The following SIL1 variants were observed in gnomAD, a reference collection of about 807,000 sequenced individuals.
SIL1 encodes SIL1 nucleotide exchange factor.
In SIL1, 40 loss-of-function variants were observed where a neutral mutation model predicts 49.1. That is an observed-to-expected ratio of 0.81 (90% CI 0.63 to 1.06). The LOEUF (loss-of-function observed/expected upper bound fraction) is 1.06, where lower values mean the gene tolerates loss of function less well. SIL1 is among the 50% of genes least tolerant of loss of function. The pLI is 0.00. For synonymous variants in SIL1, 253 were observed against 250.8 expected, an observed-to-expected ratio of 1.01 and a Z score of -0.08; for missense variants, 500 against 572.6, an observed-to-expected ratio of 0.87 and a Z score of 1.29.
chr5:139,015,849 C>T (rs560856982), intron 7 of SIL1, among the ~76,000 whole-genome samples: 27 of 152,282 alleles, frequency 1.8e-4, no homozygotes, highest in African/African-American at 5.8e-4. Context: ...CCATTCATAG[C>T]GCATTTCCTA....
At chr5:139,075,830 C>G (rs1449888670) in intron 3 of SIL1, among the ~76,000 whole-genome samples, 1 of 152,214 alleles carries the variant, frequency 6.6e-6, no homozygotes, top group Non-Finnish European at 1.5e-5. Flanking sequence ...AATGACCTTT[C>G]ACAAGGTCTA....
At chr5:139,177,394 C>T (rs1751907391) in intron 1 of SIL1, among the ~76,000 whole-genome samples, 1 of 151,850 alleles carries the variant, frequency 6.6e-6, no homozygotes, top group East Asian at 1.9e-4. Flanking sequence ...CACACACCAC[C>T]GTGCCTGGCT....
In SIL1 at chr5:138,947,083, TAGCGGC is replaced by T. The variant is rs776385756; in HGVS notation, c.*28_*33del. On this transcript the variant is annotated 3_prime_UTR_variant, in exon 10 of 10. Coordinates refer to ENST00000394817, the MANE Select transcript of SIL1 (RefSeq NM_022464.5). This position sits in a 1 kb window ranked among gnomAD's most constrained non-coding sequence, Gnocchi z 4.1. The stretch of plus-strand genomic sequence containing the variant: ...CCACGCTGGCACCCCTCAGCCTCAC[TAGCGGC>T]ATCCCAGTCCAGTCCTGGTGTGGGG... 1 of 1,557,044 alleles carries T rather than the reference TAGCGGC, an allele frequency of 6.4e-7. No homozygotes were observed. Among genetic ancestry groups the T allele is most frequent in the Non-Finnish European group, 8.8e-7 (1 of 1,134,280 alleles).
intron 1 of SIL1, chr5:139,128,198 G>A (rs1158975040): frequency 1.4e-5 from 5 of 367,672 alleles, no homozygotes; most frequent in Admixed American, 3.6e-5. Flanking sequence ...TGATCTGCAT[G>A]TGAACAAACA....
At chr5:139,181,370 A>G (rs1166287966) in intron 1 of SIL1, among the ~76,000 whole-genome samples, 1 of 152,182 alleles carries the variant, frequency 6.6e-6, no homozygotes, top group Non-Finnish European at 1.5e-5. Context: ...TGGGGGAAAT[A>G]CTACCCAGCA....
chr5:139,036,294 C>T (rs970207656), intron 5 of SIL1, among the ~76,000 whole-genome samples: 1 of 152,074 alleles, frequency 6.6e-6, no homozygotes, highest in Non-Finnish European at 1.5e-5. Context: ...TAGGTTAAGT[C>T]TTTAATCCAT....
At chr5:139,046,468 C>G (rs1005340683) in intron 4 of SIL1, among the ~76,000 whole-genome samples, 5 of 152,218 alleles carry the variant, frequency 3.3e-5, no homozygotes, top group African/African-American at 1.2e-4. Flanking sequence ...CCTTCCTTCT[C>G]TCTTCTCCTA....
chr5:139,120,534 G>C (rs960089403), intron 3 of SIL1, among the ~76,000 whole-genome samples: 2 of 152,180 alleles, frequency 1.3e-5, no homozygotes, highest in African/African-American at 4.8e-5. Context: ...CCAGGCTCAT[G>C]AAAGGGTTAG....
intron 7 of SIL1, among the ~76,000 whole-genome samples, chr5:138,989,223 G>C (rs1270770021): frequency 6.6e-6 from 1 of 152,150 alleles, no homozygotes; most frequent in Non-Finnish European, 1.5e-5. Context: ...CTACAGAGAA[G>C]TCAGACCATG....
At chr5:139,075,907 C>T (rs1161033888) in intron 3 of SIL1, among the ~76,000 whole-genome samples, 1 of 152,186 alleles carries the variant, frequency 6.6e-6, no homozygotes, top group Non-Finnish European at 1.5e-5. Context: ...GAAAGAGGCA[C>T]AGTAGGGCAT....
intron 7 of SIL1, among the ~76,000 whole-genome samples, chr5:138,974,508 C>A (rs780309977): frequency 6.6e-6 from 1 of 152,206 alleles, no homozygotes; most frequent in Non-Finnish European, 1.5e-5. Context: ...GGAGAATAAT[C>A]CACTCAGCTG....
At chr5:139,020,915 TA>T (rs1227717844) in intron 7 of SIL1, among the ~76,000 whole-genome samples, 1 of 152,178 alleles carries the variant, frequency 6.6e-6, no homozygotes, top group African/African-American at 2.4e-5. Flanking sequence ...AAGCTTTGAA[TA>T]AAACAGAGAA....
intron 1 of SIL1, among the ~76,000 whole-genome samples, chr5:139,156,592 C>A (rs1293948219): frequency 6.6e-6 from 1 of 152,120 alleles, no homozygotes; most frequent in Non-Finnish European, 1.5e-5. Flanking sequence ...AGCATAGGCC[C>A]TAAATCACAA....
At position 138,993,489 on chromosome 5, in the gene SIL1, A is replaced by G. The variant is rs527921689; in HGVS notation, c.767+27682T>C. Reference sequence around the variant, plus strand: ...ACGCATCCTTGTGTAATTACCTCCCATTGGGTGTGGGAATATGACATGCTT... The same window carrying G: ...ACGCATCCTTGTGTAATTACCTCCCGTTGGGTGTGGGAATATGACATGCTT... On this transcript the variant is annotated intron_variant, in intron 7 of 9. Transcript: ENST00000394817. Among the ~76,000 whole-genome samples the G allele has an allele frequency of 1.1e-4, 16 of 152,334 alleles. 1 individual carries two copies. The South Asian group carries it at 3.3e-3, about 32-fold the overall frequency.
rs536082053 is a variant in SIL1 at position 138,994,299 on chromosome 5, T to C, written c.767+26872A>G. On this transcript the variant is annotated intron_variant, in intron 7 of 9. Coordinates refer to ENST00000394817, the MANE Select transcript of SIL1 (RefSeq NM_022464.5). ...AACTAATAAGACATCAGCAAGTTTG[T>C]TGGCTATAAAGTCATATACCAGCAA... 6.6e-5 allele frequency among the ~76,000 whole-genome samples: 10 copies of C among 152,324 alleles called. No individual in the cohort carries two copies. In the South Asian group the frequency reaches 1.7e-3, roughly 25 times the overall value.
rs192255604 is a variant in SIL1 at position 138,947,271 on chromosome 5, C to T, written c.1232G>A (p.Arg411His). Residue 411 changes from arginine to histidine, a missense_variant, in exon 10 of 10, where the codon CGC (arginine) becomes CAC (histidine). Coordinates refer to ENST00000394817, the MANE Select transcript of SIL1 (RefSeq NM_022464.5). The surrounding 1 kb of genome is among the most constrained non-coding windows in gnomAD (Gnocchi z 4.1). Reference protein sequence around the residue: ...LGVLLTTCRDRYRQDPQLGRT... With the variant: ...LGVLLTTCRDHYRQDPQLGRT... ...GCCGAGCTGGGGGTCCTGACGGTAGCGGTCCCGGCAGGTGGTCAGGAGGAC... is the reference window on the plus strand; with the variant it reads ...GCCGAGCTGGGGGTCCTGACGGTAGTGGTCCCGGCAGGTGGTCAGGAGGAC... 1.7e-4 allele frequency: 281 copies of T among 1,613,506 alleles called. 1 individual carries two copies. The Admixed American group carries it at 3.2e-3, about 19-fold the overall frequency.
rs111568804 is a variant in SIL1 at position 139,092,186 on chromosome 5, C to G, written c.244+28849G>C. On this transcript the variant is annotated intron_variant, in intron 3 of 9. Transcript: ENST00000394817. Reference sequence around the variant, plus strand: ...TGATCACTAAGACTTCAGATTTACCCTAAAGAATCTATAAGTACTTCTGTT... The same window carrying G: ...TGATCACTAAGACTTCAGATTTACCGTAAAGAATCTATAAGTACTTCTGTT... Among the ~76,000 whole-genome samples, 825 of 152,278 alleles carry G rather than the reference C, an allele frequency of 5.4e-3. 4 individuals are homozygous for G. The highest frequency in any genetic ancestry group is 0.019 in the African/African-American group (790 of 41,564).
chr5:139,056,239 C>T (rs1301422534), intron 3 of SIL1, among the ~76,000 whole-genome samples: 36 of 150,990 alleles, frequency 2.4e-4, no homozygotes, highest in Admixed American at 3.3e-4. Context: ...CGCCTCTTCC[C>T]GGCCGCCATC....
intron 3 of SIL1, among the ~76,000 whole-genome samples, chr5:139,087,531 C>T (rs896834078): frequency 3.9e-5 from 6 of 152,012 alleles, no homozygotes; most frequent in African/African-American, 1.5e-4. Flanking sequence ...GGTGACAGAG[C>T]GAGACCCTAT....
Sources: gnomAD v4.1 joint callset for allele counts (sites outside exome capture counted in the v4.1 genomes callset) on GRCh38, gnomAD v4.1.1 for gene constraint, Gnocchi (gnomAD v3.1) non-coding constraint, MANE v1.5 for transcripts, NCBI Gene and HGNC (gene_info 2026-07-23, HGNC 2026-07-21) for gene names.